Variants in DBT observed in about 807,000 individuals in gnomAD.
DBT encodes the protein dihydrolipoamide branched chain transacylase E2.
In DBT, 40 loss-of-function variants were observed where a neutral mutation model predicts 51.3. The ratio of observed to expected loss-of-function variants is 0.78; its 90% CI spans 0.61 to 1.02. The LOEUF is 1.02. Ranked by LOEUF, DBT falls within the 50% of genes least tolerant of loss-of-function variation. DBT has a pLI of 0.00. For synonymous variants in DBT, 181 were observed against 190.4 expected (o/e 0.95, Z 0.41); for missense variants, 510 against 580.2 (o/e 0.88, Z 1.24).
chr1:100,230,995 G>A, intron 3 of DBT, 81 bp from the exon 4 acceptor site: 2 of 859,364 alleles, frequency 2.3e-6, no homozygotes, highest in Non-Finnish European at 4.0e-6. Context: ...GCCATGCTGA[G>A]TTAGATCAGT....
At chr1:100,244,258 C>T (rs1664407934) in intron 1 of DBT, among the ~76,000 whole-genome samples, 2 of 152,100 alleles carry the variant, frequency 1.3e-5, no homozygotes, top group African/African-American at 4.8e-5. Flanking sequence ...CAGAAATTGA[C>T]TTAGCATATC....
In DBT at chr1:100,195,421, T is replaced by C. The variant is rs943275296; in HGVS notation, c.*834A>G. 1 of 152,592 alleles carries C rather than the reference T, an allele frequency of 6.6e-6. No homozygotes were observed. The highest frequency in any genetic ancestry group is 1.5e-5 in the Non-Finnish European group (1 of 68,038). 9.5% of individuals were successfully genotyped at this position (152,592 alleles called of 1,614,324 possible). On this transcript the variant is annotated 3_prime_UTR_variant, in exon 11 of 11. Transcript: ENST00000370132. ...CCCTTTTCAAAGACATTAATTAATATAAATAAGACACTATCAGATGATATT... is the reference window on the plus strand; with the variant it reads ...CCCTTTTCAAAGACATTAATTAATACAAATAAGACACTATCAGATGATATT...
intron 4 of DBT, among the ~76,000 whole-genome samples, chr1:100,225,020 C>A (rs1210236013): frequency 1.1e-4 from 5 of 45,794 alleles, no homozygotes; most frequent in African/African-American, 1.9e-4. Context: ...TCCGTCTCCC[C>A]CCAAAAAAAA....
In DBT at chr1:100,206,496, G is replaced by T; in HGVS notation, c.1158C>A (p.Leu386=). The T allele has an allele frequency of 6.2e-7, 1 of 1,613,888 alleles. No homozygotes were observed. The highest frequency in any genetic ancestry group is 8.5e-7 in the Non-Finnish European group (1 of 1,179,788). ...TTCCTCCTGTAAGATCAGTGGTGCT[G>T]AGCTGACTCACAGAGCCCAATTTCT... ...RLQKLGSVSQ[L]STTDLTGGTF... The change falls in exon 9 of 11, where the codon CTC becomes CTA. Residue 386 remains leucine, a synonymous_variant. Coordinates refer to ENST00000370132, the MANE Select transcript of DBT (RefSeq NM_001918.5).
At chr1:100,234,732 G>A (rs1412109799) in intron 3 of DBT, among the ~76,000 whole-genome samples, 1 of 152,142 alleles carries the variant, frequency 6.6e-6, no homozygotes, top group Non-Finnish European at 1.5e-5. Flanking sequence ...ATCCCACAGT[G>A]CCACCAGAGA....
At position 100,196,237 on chromosome 1, in the gene DBT, A is replaced by G. The variant is rs780135016; in HGVS notation, c.*18T>C. ...ACTCTTTGGAAGCTCAAAAAGTTCAAGAATGTCTTATCAGTCTTCATTTCA... is the reference window on the plus strand; with the variant it reads ...ACTCTTTGGAAGCTCAAAAAGTTCAGGAATGTCTTATCAGTCTTCATTTCA... On this transcript the variant is annotated 3_prime_UTR_variant, in exon 11 of 11. Transcript: ENST00000370132. 1 of 1,611,820 alleles carries G rather than the reference A, an allele frequency of 6.2e-7. No individual in the cohort carries two copies. Among genetic ancestry groups the G allele is most frequent in the Non-Finnish European group, 8.5e-7 (1 of 1,177,932 alleles).
chr1:100,217,848 G>T (rs1662587514), intron 5 of DBT, among the ~76,000 whole-genome samples: 1 of 152,204 alleles, frequency 6.6e-6, no homozygotes, highest in South Asian at 2.1e-4. Flanking sequence ...GGCAATGATT[G>T]TTGAGGTTTA....
At chr1:100,211,795 A>AG (rs533813415) in intron 7 of DBT, among the ~76,000 whole-genome samples, 92 of 152,184 alleles carry the variant, frequency 6.0e-4, no homozygotes, top group Non-Finnish European at 7.8e-4. Flanking sequence ...TTTTTGAGAC[A>AG]GGGTCTTTCT....
intron 4 of DBT, among the ~76,000 whole-genome samples, chr1:100,224,689 G>T (rs7526860): frequency 6.6e-6 from 1 of 151,848 alleles, no homozygotes; most frequent in Non-Finnish European, 1.5e-5. Flanking sequence ...TACTGAGATA[G>T]AGCTGACACA....
chr1:100,218,675 C>T lies in DBT; in HGVS notation c.506G>A (p.Arg169Gln), dbSNP rs34267966. 7.1e-4 allele frequency: 1,144 copies of T among 1,613,922 alleles called. 5 individuals carry two copies. The African/African-American group carries it at 0.011, about 15-fold the overall frequency. ...AACTGCAGGAGTTGCCAGTGTTTTTCGGCCCTTTATCTCTTGGTGTGTATG... is the reference window on the plus strand; with the variant it reads ...AACTGCAGGAGTTGCCAGTGTTTTTTGGCCCTTTATCTCTTGGTGTGTATG... The part of the protein sequence containing the change: ...DEHTHQEIKG[R>Q]KTLATPAVRR... Residue 169 changes from arginine (R) to glutamine (Q), a missense_variant, in exon 5 of 11, where the codon CGA (arginine) becomes CAA (glutamine). Arg to Gln is a conservative substitution (Grantham distance 43, BLOSUM62 1). Transcript: ENST00000370132.
intron 4 of DBT, 98 bp from the exon 5 acceptor site, chr1:100,218,845 A>C (rs1251691760): frequency 5.5e-6 from 5 of 909,164 alleles, no homozygotes; most frequent in African/African-American, 3.4e-5. Flanking sequence ...ATAATATCTA[A>C]ATAAATTAAA....
At chr1:100,245,070 G>T (rs1008719066) in intron 1 of DBT, among the ~76,000 whole-genome samples, 2 of 152,014 alleles carry the variant, frequency 1.3e-5, no homozygotes, top group Non-Finnish European at 2.9e-5. Context: ...CAGGAAAGAG[G>T]AGAAGAAATA....
At chr1:100,210,363 T>G (rs1389545431) in intron 8 of DBT, among the ~76,000 whole-genome samples, 1 of 148,510 alleles carries the variant, frequency 6.7e-6, no homozygotes. Context: ...AATAATAATA[T>G]TAAAATTCCA....
intron 3 of DBT, among the ~76,000 whole-genome samples, chr1:100,234,598 G>T (rs1320779856): frequency 6.6e-6 from 1 of 152,122 alleles, no homozygotes; most frequent in East Asian, 1.9e-4. Flanking sequence ...CACTCCAGAG[G>T]TTGGCAGAGC....
intron 10 of DBT, among the ~76,000 whole-genome samples, chr1:100,199,950 TCAAGCACAAAACTGGGAGGCCG>T (rs1661344289): frequency 6.6e-6 from 1 of 152,006 alleles, no homozygotes; most frequent in African/African-American, 2.4e-5. Context: ...GCCCTGAGTT[TCAAGCACAAAACTGGGAGGCCG>T]TTTGGGCAGA....
chr1:100,221,001 T>C (rs185687167), intron 4 of DBT, among the ~76,000 whole-genome samples: 164 of 152,340 alleles, frequency 1.1e-3, no homozygotes, highest in African/African-American at 3.8e-3. Flanking sequence ...AACCCCAATA[T>C]GGTAGGAACT....
At chr1:100,202,241 A>G (rs1253553584) in intron 10 of DBT, among the ~76,000 whole-genome samples, 1 of 152,144 alleles carries the variant, frequency 6.6e-6, no homozygotes, top group East Asian at 1.9e-4. Context: ...GCAAAAAAAA[A>G]GAAAAAGCAG....
chr1:100,236,052 T>C (rs1465212746), intron 2 of DBT, among the ~76,000 whole-genome samples: 3 of 152,154 alleles, frequency 2.0e-5, no homozygotes, highest in Admixed American at 2.0e-4. Context: ...CTCTTTCCTC[T>C]TTCCATTTTC....
Position 100,188,549 on chromosome 1 carries a change from C to A in DBT, c.*7706G>T, listed in dbSNP as rs1208653063. Reference sequence around the variant, plus strand: ...GGGTGTAGATGAGTGGGGGCACTTACATTGCCCGTTGGAGGAGACTCTGCC... The same window carrying A: ...GGGTGTAGATGAGTGGGGGCACTTAAATTGCCCGTTGGAGGAGACTCTGCC... On this transcript the variant is annotated 3_prime_UTR_variant, in exon 11 of 11. Coordinates refer to ENST00000370132, the MANE Select transcript of DBT (RefSeq NM_001918.5). 6.7e-6 allele frequency: 1 copy of A among 149,498 alleles called. No individual in the cohort carries two copies. Among genetic ancestry groups the A allele is most frequent in the Admixed American group, 6.6e-5 (1 of 15,076 alleles). 9.3% of individuals were successfully genotyped at this position (149,498 alleles called of 1,614,324 possible). A position where few individuals can be genotyped will look rare whatever the true frequency, so the allele number is the denominator to read the frequency against.
Sources: gnomAD v4.1 joint callset for allele counts (sites outside exome capture counted in the v4.1 genomes callset) on GRCh38, gnomAD v4.1.1 for gene constraint, MANE v1.5 for transcripts, NCBI Gene and HGNC (gene_info 2026-07-23, HGNC 2026-07-21) for gene names.